EXOC6B: variants seen among roughly 807,000 people sequenced by gnomAD.
The protein encoded by EXOC6B is SEC15 homolog B.
Under a neutral mutation model 113.5 loss-of-function variants are expected in EXOC6B, and 54 were observed. The ratio of observed to expected loss-of-function variants is 0.48; its 90% CI spans 0.38 to 0.60. The LOEUF (loss-of-function observed/expected upper bound fraction) is 0.60. Ranked by LOEUF, EXOC6B falls within the 20% of genes least tolerant of loss-of-function variation. EXOC6B has a pLI of 0.00. For missense variants in EXOC6B, 797 were observed against 977.5 expected, an observed-to-expected ratio of 0.82 and a Z score of 2.46; for synonymous variants, 357 against 339.0, an observed-to-expected ratio of 1.05 and a Z score of -0.58.
intron 20 of EXOC6B, among the ~76,000 whole-genome samples, chr2:72,259,007 A>G (rs1683535412): frequency 6.6e-6 from 1 of 152,214 alleles, no homozygotes; most frequent in African/African-American, 2.4e-5. Context: ...TTTTATCATG[A>G]TACAGAGTTC....
At chr2:72,456,687 T>A (rs577916344) in intron 18 of EXOC6B, among the ~76,000 whole-genome samples, 2 of 152,236 alleles carry the variant, frequency 1.3e-5, no homozygotes, top group Admixed American at 6.6e-5. Flanking sequence ...ATATTAATAC[T>A]TATCTGATGG....
chr2:72,537,205 C>A (rs1468152569), intron 8 of EXOC6B, among the ~76,000 whole-genome samples: 1 of 151,826 alleles, frequency 6.6e-6, no homozygotes, highest in Non-Finnish European at 1.5e-5. Context: ...TCTTTATCTT[C>A]TTCCTGACTT....
At chr2:72,759,273 T>A (rs927526376) in intron 1 of EXOC6B, among the ~76,000 whole-genome samples, 2 of 152,228 alleles carry the variant, frequency 1.3e-5, no homozygotes, top group African/African-American at 4.8e-5. Flanking sequence ...CTATAAATAT[T>A]AAAAATTTTT....
intron 18 of EXOC6B, among the ~76,000 whole-genome samples, chr2:72,400,670 C>CAA (rs968202360): frequency 2.6e-5 from 3 of 114,722 alleles, no homozygotes; most frequent in Admixed American, 8.8e-5. Flanking sequence ...CATACGCAGC[C>CAA]AAAAAAAAAA....
At chr2:72,411,395 A>G (rs571940570) in intron 18 of EXOC6B, among the ~76,000 whole-genome samples, 3 of 152,306 alleles carry the variant, frequency 2.0e-5, no homozygotes, top group African/African-American at 7.2e-5. Flanking sequence ...AGAATTACAT[A>G]ACAGCTACAT....
chr2:72,752,049 C>A (rs1682077331), intron 1 of EXOC6B, among the ~76,000 whole-genome samples: 2 of 152,062 alleles, frequency 1.3e-5, no homozygotes, highest in Non-Finnish European at 2.9e-5. Context: ...TAGACCCATG[C>A]AAACTTTTGG....
intron 20 of EXOC6B, among the ~76,000 whole-genome samples, chr2:72,302,834 T>A (rs1171641614): frequency 6.6e-6 from 1 of 151,740 alleles, no homozygotes; most frequent in Non-Finnish European, 1.5e-5. Context: ...TTACATTTTT[T>A]ATATGTGTGG....
At chr2:72,722,388 T>C (rs1162118754) in intron 5 of EXOC6B, among the ~76,000 whole-genome samples, 1 of 152,194 alleles carries the variant, frequency 6.6e-6, no homozygotes, top group Non-Finnish European at 1.5e-5. Context: ...AGCAGATACT[T>C]AAACTCTTCT....
chr2:72,643,728 C>A (rs1673453193), intron 6 of EXOC6B, among the ~76,000 whole-genome samples: 1 of 144,744 alleles, frequency 6.9e-6, no homozygotes, highest in African/African-American at 2.6e-5. Flanking sequence ...CTAACCTGCA[C>A]AATGTGCACA....
chr2:72,484,067 A>G (rs563536843), intron 16 of EXOC6B, among the ~76,000 whole-genome samples: 65 of 152,150 alleles, frequency 4.3e-4, no homozygotes, highest in African/African-American at 1.5e-3. Context: ...GAATTGGAAA[A>G]TTTTTCTGTC....
At chr2:72,203,612 G>A (rs1231872119) in intron 20 of EXOC6B, among the ~76,000 whole-genome samples, 1 of 152,152 alleles carries the variant, frequency 6.6e-6, no homozygotes, top group Admixed American at 6.6e-5. Flanking sequence ...TTCCCTGAAT[G>A]AGCCTCAAAT....
intron 17 of EXOC6B, among the ~76,000 whole-genome samples, chr2:72,470,281 C>A (rs769619435): frequency 6.6e-6 from 1 of 151,966 alleles, no homozygotes; most frequent in Non-Finnish European, 1.5e-5. Context: ...GTTTTCATTG[C>A]GGACATTTTT....
chr2:72,551,418 G>C (rs916967644), intron 8 of EXOC6B, among the ~76,000 whole-genome samples: 1 of 151,872 alleles, frequency 6.6e-6, no homozygotes, highest in Non-Finnish European at 1.5e-5. Context: ...GGATGGTCTC[G>C]ATCTCTTGAC....
chr2:72,412,496 A>G (rs1329600301), intron 18 of EXOC6B, among the ~76,000 whole-genome samples: 1 of 152,214 alleles, frequency 6.6e-6, no homozygotes, highest in East Asian at 1.9e-4. Context: ...AATCCACTAT[A>G]TGAATGATTA....
intron 20 of EXOC6B, among the ~76,000 whole-genome samples, chr2:72,210,225 C>T (rs1680102663): frequency 1.3e-5 from 2 of 152,150 alleles, no homozygotes; most frequent in African/African-American, 4.8e-5. Flanking sequence ...ATGCAAAACG[C>T]TGTGAGGACT....
intron 6 of EXOC6B, among the ~76,000 whole-genome samples, chr2:72,588,682 A>T (rs1383188108): frequency 1.3e-5 from 2 of 152,050 alleles, no homozygotes; most frequent in Non-Finnish European, 2.9e-5. Context: ...TCAATTAATA[A>T]TTTTAATTTT....
intron 18 of EXOC6B, among the ~76,000 whole-genome samples, chr2:72,381,163 C>A (rs747474371): frequency 1.1e-4 from 16 of 152,162 alleles, no homozygotes; most frequent in Non-Finnish European, 2.1e-4. Context: ...AAACAATATG[C>A]TGTATTATTT....
chr2:72,743,513 T>C (rs1248314266), intron 1 of EXOC6B, among the ~76,000 whole-genome samples: 4 of 152,114 alleles, frequency 2.6e-5, no homozygotes, highest in Admixed American at 6.6e-5. Context: ...CTTATACTAG[T>C]AATGCTCATC....
chr2:72,348,525 A>G (rs532878851), intron 19 of EXOC6B, among the ~76,000 whole-genome samples: 4 of 152,148 alleles, frequency 2.6e-5, no homozygotes, highest in South Asian at 4.1e-4. Flanking sequence ...TTGCTTTCTT[A>G]TATCTAATTT....
Sources: allele counts gnomAD v4.1 joint callset (sites outside exome capture counted in the v4.1 genomes callset), GRCh38; gene constraint gnomAD v4.1.1; transcripts MANE v1.5; gene names NCBI Gene and HGNC (gene_info 2026-07-23, HGNC 2026-07-21).